ROBO2: variants seen among roughly 807,000 people sequenced by gnomAD.
The protein encoded by ROBO2 is roundabout homolog 2.
Under a neutral mutation model 160.8 loss-of-function variants are expected in ROBO2, and 53 were observed. That is an observed-to-expected ratio of 0.33 (90% CI 0.26 to 0.41). The LOEUF (loss-of-function observed/expected upper bound fraction) is 0.41. Ranked by LOEUF, ROBO2 falls within the 10% of genes least tolerant of loss-of-function variation. ROBO2 has a pLI of 1.00. For missense variants in ROBO2, 1,577 were observed against 1,722.4 expected (o/e 0.92, Z 1.49); for synonymous variants, 664 against 611.7 (o/e 1.09, Z -1.26).
chr3:75,966,114 G>A (rs575799208), intron 2 of ROBO2, among the ~76,000 whole-genome samples: 64 of 151,646 alleles, frequency 4.2e-4, no homozygotes, highest in Admixed American at 1.8e-3. Flanking sequence ...TTATTAATAC[G>A]TCTATAGAAG....
chr3:76,765,361 G>C (rs1382495835), intron 2 of ROBO2, among the ~76,000 whole-genome samples: 1 of 151,570 alleles, frequency 6.6e-6, no homozygotes, highest in African/African-American at 2.4e-5. Context: ...AATTTAGTGG[G>C]GTACCCCAGA....
At chr3:77,301,543 T>C (rs1006891043) in intron 2 of ROBO2, among the ~76,000 whole-genome samples, 2 of 152,220 alleles carry the variant, frequency 1.3e-5, no homozygotes, top group African/African-American at 4.8e-5. Context: ...CATTCACTTA[T>C]CAAATATTTA....
At chr3:76,739,709 G>T (rs1390230912) in intron 2 of ROBO2, among the ~76,000 whole-genome samples, 1 of 152,082 alleles carries the variant, frequency 6.6e-6, no homozygotes, top group Non-Finnish European at 1.5e-5. Flanking sequence ...GCACAGGGTG[G>T]GTTGAGAAAT....
intron 2 of ROBO2, among the ~76,000 whole-genome samples, chr3:76,989,541 T>C (rs1011865488): frequency 6.6e-6 from 1 of 152,030 alleles, no homozygotes; most frequent in Admixed American, 6.6e-5. Flanking sequence ...AGATGAAATA[T>C]TTGTAACTAA....
chr3:76,808,142 A>G (rs2064879424), intron 2 of ROBO2, among the ~76,000 whole-genome samples: 1 of 152,162 alleles, frequency 6.6e-6, no homozygotes, highest in South Asian at 2.1e-4. Flanking sequence ...GAATTATTAT[A>G]CAAAAGTACA....
chr3:77,447,736 C>T (rs1435877224), intron 2 of ROBO2, among the ~76,000 whole-genome samples: 4 of 152,172 alleles, frequency 2.6e-5, no homozygotes, highest in South Asian at 2.1e-4. Flanking sequence ...CCCAAATCAA[C>T]GTTGACTAAT....
intron 2 of ROBO2, among the ~76,000 whole-genome samples, chr3:77,207,440 T>C (rs1250728179): frequency 6.6e-6 from 1 of 152,234 alleles, no homozygotes; most frequent in African/African-American, 2.4e-5. Flanking sequence ...ATTATGTATT[T>C]AGATGCTTAA....
At chr3:77,247,681 T>C (rs62249673) in intron 2 of ROBO2, among the ~76,000 whole-genome samples, 4,405 of 152,300 alleles carry the variant, frequency 0.029, 69 homozygotes, top group Middle Eastern at 0.058. Context: ...TTGACAATTT[T>C]GCAAATGCAC....
rs2089262441 is a variant in ROBO2 at position 77,243,063 on chromosome 3, T to C, written c.388+144723T>C. On this transcript the variant is annotated intron_variant, in intron 2 of 25. Transcript: ENST00000461745. ...ATGAAAATAAATATCTTCTCCAACC[T>C]ATCTTAGCCAACTTTCTGATCTAGG... Among the ~76,000 whole-genome samples, 5 of 151,666 alleles carry C rather than the reference T, an allele frequency of 3.3e-5. No homozygotes were observed. In the South Asian group the frequency reaches 1.0e-3, roughly 32 times the overall value.
At chr3:76,726,295 C>T (rs2093551954) in intron 2 of ROBO2, among the ~76,000 whole-genome samples, 1 of 152,012 alleles carries the variant, frequency 6.6e-6, no homozygotes, top group Non-Finnish European at 1.5e-5. Context: ...TCATTTTGTT[C>T]TCCATACGCT....
chr3:77,586,934 C>T (rs111578625), intron 16 of ROBO2, among the ~76,000 whole-genome samples: 2,486 of 151,172 alleles, frequency 0.016, 74 homozygotes, highest in African/African-American at 0.056. Context: ...ACATAAATGA[C>T]GCTGGTTTTT....
intron 2 of ROBO2, among the ~76,000 whole-genome samples, chr3:76,495,381 C>A (rs1038415093): frequency 6.6e-6 from 1 of 151,572 alleles, no homozygotes; most frequent in Non-Finnish European, 1.5e-5. Context: ...TAAAACACGC[C>A]CTGTCATGTC....
At chr3:76,835,749 T>C (rs2067632802) in intron 2 of ROBO2, among the ~76,000 whole-genome samples, 1 of 152,026 alleles carries the variant, frequency 6.6e-6, no homozygotes, top group African/African-American at 2.4e-5. Context: ...ATCTCCAACT[T>C]TGTGATTCCT....
chr3:77,163,471 G>A lies in ROBO2; in HGVS notation c.388+65131G>A, dbSNP rs560969702. Among the ~76,000 whole-genome samples, 4 of 152,250 alleles carry A rather than the reference G, an allele frequency of 2.6e-5. No homozygotes were observed. The East Asian group carries it at 7.7e-4, about 29-fold the overall frequency. On this transcript the variant is annotated intron_variant, in intron 2 of 25. Transcript: ENST00000461745. ...ATAACCCAATGTCATATGTTGTGTT[G>A]TTGTGTTGTAAACCATTCATTTCAC...
intron 2 of ROBO2, among the ~76,000 whole-genome samples, chr3:76,538,151 T>A (rs1053138486): frequency 1.4e-5 from 2 of 146,256 alleles, no homozygotes; most frequent in African/African-American, 5.1e-5. Flanking sequence ...CTGACAGAAC[T>A]CACACACACA....
chr3:77,546,226 T>C, intron 6 of ROBO2, 112 bp from the exon 8 acceptor site: 2 of 1,136,750 alleles, frequency 1.8e-6, no homozygotes, highest in Non-Finnish European at 1.3e-6. Flanking sequence ...AATAAAAAAC[T>C]GTAGTCTCTC....
chr3:76,735,231 G>A (rs746030149), intron 2 of ROBO2, among the ~76,000 whole-genome samples: 1 of 152,184 alleles, frequency 6.6e-6, no homozygotes, highest in Non-Finnish European at 1.5e-5. Flanking sequence ...TATGGTACAT[G>A]TGCCCCATGG....
intron 20 of ROBO2, among the ~76,000 whole-genome samples, chr3:77,607,283 AT>A (rs1239425385): frequency 6.6e-6 from 1 of 152,190 alleles, no homozygotes; most frequent in East Asian, 1.9e-4. Context: ...ATTTACAGGT[AT>A]TTTCCTGATT....
intron 2 of ROBO2, among the ~76,000 whole-genome samples, chr3:75,939,270 C>G (rs575443404): frequency 6.6e-6 from 1 of 152,094 alleles, no homozygotes; most frequent in Non-Finnish European, 1.5e-5. Context: ...GTTGCTAAAA[C>G]CTTCCTCTGA....
Sources: allele counts gnomAD v4.1 joint callset (sites outside exome capture counted in the v4.1 genomes callset), GRCh38; gene constraint gnomAD v4.1.1; transcripts MANE v1.5; gene names NCBI Gene and HGNC (gene_info 2026-07-23, HGNC 2026-07-21).